Variants in SLIRP observed in about 807,000 individuals in gnomAD.
SLIRP encodes the protein SRA stem-loop-interacting RNA-binding protein, mitochondrial.
SLIRP carries 12 observed loss-of-function variants against 13.4 expected under a neutral mutation model. The observed-to-expected ratio is 0.89, with a 90% CI of 0.57 to 1.45. SLIRP has a LOEUF of 1.45. Among genes scored for constraint, SLIRP ranks in the 40% most tolerant of loss-of-function variants. SLIRP has a pLI of 0.00. For missense variants in SLIRP, 154 were observed against 132.2 expected (o/e 1.17, Z -0.81); for synonymous variants, 55 against 47.1 (o/e 1.17, Z -0.69).
intron 1 of SLIRP, among the ~76,000 whole-genome samples, chr14:77,709,572 C>T (rs17752569): frequency 0.065 from 9,834 of 152,242 alleles, 383 homozygotes; most frequent in African/African-American, 0.095. Flanking sequence ...GAAACAGTTT[C>T]TCTTTGTTGT....
chr14:77,712,087 A>G (rs2078507370), intron 2 of SLIRP: 1 of 152,310 alleles, frequency 6.6e-6, no homozygotes, highest in Middle Eastern at 3.4e-3. Context: ...ATAACAAAAT[A>G]CCACAAGCGT....
intron 1 of SLIRP, 39 bp from the exon 2 acceptor site, chr14:77,710,799 A>C: frequency 6.2e-7 from 1 of 1,613,158 alleles, no homozygotes; most frequent in Non-Finnish European, 8.5e-7. Flanking sequence ...AGAATCCAAA[A>C]TATAGTAACT....
intron 1 of SLIRP, among the ~76,000 whole-genome samples, chr14:77,709,108 T>C (rs2080419582): frequency 6.6e-6 from 1 of 152,258 alleles, no homozygotes; most frequent in African/African-American, 2.4e-5. Context: ...ATTTTCACGG[T>C]AACTAAAATT....
intron 1 of SLIRP, among the ~76,000 whole-genome samples, chr14:77,710,060 A>G (rs2080428738): frequency 6.6e-6 from 1 of 152,224 alleles, no homozygotes; most frequent in African/African-American, 2.4e-5. Flanking sequence ...AACTAAATAG[A>G]TATTATAAAA....
At chr14:77,710,614 G>A in intron 1 of SLIRP, 3 of 1,513,666 alleles carry the variant, frequency 2.0e-6, no homozygotes, top group Non-Finnish European at 2.6e-6. Flanking sequence ...TGCTGAGGAT[G>A]GAGACTGCAG....
chr14:77,715,940 T>C, intron 3 of SLIRP, 61 bp downstream of exon 3: 27 of 1,221,550 alleles, frequency 2.2e-5, no homozygotes, highest in Non-Finnish European at 3.0e-5. Flanking sequence ...TTTAATTATG[T>C]ATCAATTAAA....
intron 2 of SLIRP, among the ~76,000 whole-genome samples, chr14:77,715,494 AAT>A (rs55751911): frequency 0.65 from 98,906 of 151,462 alleles, 32,576 homozygotes; most frequent in African/African-American, 0.72. Flanking sequence ...AAATATAAAA[AAT>A]GAGGCAGACA....
At chr14:77,711,444 C>T (rs1217424571) in intron 2 of SLIRP, among the ~76,000 whole-genome samples, 1 of 152,120 alleles carries the variant, frequency 6.6e-6, no homozygotes, top group Non-Finnish European at 1.5e-5. Context: ...CCTGCCTTGG[C>T]CTCCTGAGTA....
intron 1 of SLIRP, among the ~76,000 whole-genome samples, 189 bp downstream of exon 1, chr14:77,708,397 C>T (rs767635864): frequency 6.6e-6 from 1 of 152,180 alleles, no homozygotes; most frequent in Admixed American, 6.5e-5. Flanking sequence ...CTTTTGGGGT[C>T]ACGAATGCAC....
At chr14:77,716,771 TTTTTTC>T (rs1319817896) in intron 3 of SLIRP, among the ~76,000 whole-genome samples, 4 of 151,970 alleles carry the variant, frequency 2.6e-5, no homozygotes, top group Non-Finnish European at 4.4e-5. Flanking sequence ...TCTACTTTTC[TTTTTTC>T]TTTTTGAGAG....
Position 77,710,916 on chromosome 14 carries a change from A to G in SLIRP, c.156+20A>G. ...CCTTTTGTAAGTATTAAGGAAAAGTAGGTGGGAGGTGGGGATGGCTAATGG... is the reference window on the plus strand; with the variant it reads ...CCTTTTGTAAGTATTAAGGAAAAGTGGGTGGGAGGTGGGGATGGCTAATGG... On this transcript the variant is annotated intron_variant, in intron 2 of 3. Transcript: ENST00000557342. 6.2e-7 allele frequency: 1 copy of G among 1,611,998 alleles called. No homozygotes were observed. Among genetic ancestry groups the G allele is most frequent in the Non-Finnish European group, 8.5e-7 (1 of 1,178,086 alleles).
chr14:77,717,585 A>G lies in SLIRP; in HGVS notation c.*24A>G, dbSNP rs17106262. ...GAGACTGCAGCCTATTAATAAAGTTAACATAACTGAGAATTTTGTCTAAAT... is the reference window on the plus strand; with the variant it reads ...GAGACTGCAGCCTATTAATAAAGTTGACATAACTGAGAATTTTGTCTAAAT... On this transcript the variant is annotated 3_prime_UTR_variant, in exon 4 of 4. Coordinates refer to ENST00000557342, the MANE Select transcript of SLIRP (RefSeq NM_031210.6). 3.0e-3 allele frequency: 4,821 copies of G among 1,581,698 alleles called. 169 individuals are homozygous for G. The Admixed American group carries it at 0.067, about 22-fold the overall frequency.
intron 3 of SLIRP, among the ~76,000 whole-genome samples, chr14:77,717,295 C>CTA: frequency 6.6e-6 from 1 of 152,264 alleles, no homozygotes; most frequent in African/African-American, 2.4e-5. Context: ...GTCTGATTTA[C>CTA]AATTTTTAAT....
Position 77,708,164 on chromosome 14 carries a change from A to C in SLIRP, c.53A>C (p.Gln18Pro). 1 of 1,614,186 alleles carries C rather than the reference A, an allele frequency of 6.2e-7. No homozygotes were observed. The highest frequency in any genetic ancestry group is 8.5e-7 in the Non-Finnish European group (1 of 1,180,024). The change falls in exon 1 of 4, where the codon CAG becomes CCG. Residue 18 changes from glutamine (Q) to proline (P), a missense_variant. Transcript: ENST00000557342. ...GCGGCGCTGCGTAGAAGTATCAATC[A>C]GCCGGTTGCTTTTGTGAGAAGAATT... ...GAAALRRSIN[Q>P]PVAFVRRIPW...
chr14:77,709,811 T>C (rs1203907854), intron 1 of SLIRP, among the ~76,000 whole-genome samples: 2 of 152,250 alleles, frequency 1.3e-5, no homozygotes, highest in Non-Finnish European at 2.9e-5. Context: ...GACCTTGATC[T>C]TGCCAGTTGG....
chr14:77,714,090 C>T (rs1326269862), intron 2 of SLIRP, among the ~76,000 whole-genome samples: 1 of 151,932 alleles, frequency 6.6e-6, no homozygotes, highest in African/African-American at 2.4e-5. Flanking sequence ...TCACTGCAGG[C>T]TTGAACTCCT....
chr14:77,708,095 G>C, upstream of SLIRP: 1 of 1,611,996 alleles, frequency 6.2e-7, no homozygotes, highest in Non-Finnish European at 8.5e-7. Context: ...GGCTCGAGAA[G>C]GTGCTTTAGT....
rs532408297 is a variant in SLIRP at position 77,708,876 on chromosome 14, G to T, written c.97+668G>T. ...GGCTGAGAAGTGGACTCCGAAGCTA[G>T]ACCGTTGGGGTTAGAATTCCAACTT... is the stretch of plus-strand genomic sequence containing the variant. On this transcript the variant is annotated intron_variant, in intron 1 of 3. Coordinates refer to ENST00000557342, the MANE Select transcript of SLIRP (RefSeq NM_031210.6). 7.0e-4 allele frequency among the ~76,000 whole-genome samples: 107 copies of T among 152,324 alleles called. 2 individuals are homozygous for T. The South Asian group carries it at 0.022, about 31-fold the overall frequency.
chr14:77,714,561 A>C (rs1357400153), intron 2 of SLIRP, among the ~76,000 whole-genome samples: 1 of 152,204 alleles, frequency 6.6e-6, no homozygotes, highest in Non-Finnish European at 1.5e-5. Flanking sequence ...TCAGCCTCCC[A>C]AAGTGCTGGG....
Sources: allele counts gnomAD v4.1 joint callset (sites outside exome capture counted in the v4.1 genomes callset), GRCh38; gene constraint gnomAD v4.1.1; transcripts MANE v1.5; gene names NCBI Gene and HGNC (gene_info 2026-07-23, HGNC 2026-07-21).